Variants in CGRRF1 observed in about 807,000 individuals in gnomAD.
The protein encoded by CGRRF1 is cell growth regulator with RING finger domain protein 1.
In CGRRF1, 32 loss-of-function variants were observed where a neutral mutation model predicts 37.2. That is an observed-to-expected ratio of 0.86 (90% CI 0.65 to 1.16). CGRRF1 has a LOEUF of 1.16. Ranked by LOEUF, CGRRF1 falls within the 50% of genes most tolerant of loss-of-function variation. The probability of loss-of-function intolerance (pLI) is 0.00; values close to 1 mark genes in which losing one functional copy is unlikely to be tolerated. For synonymous variants in CGRRF1, 141 were observed against 140.3 expected, an observed-to-expected ratio of 1.00 and a Z score of -0.04; for missense variants, 391 against 382.6, an observed-to-expected ratio of 1.02 and a Z score of -0.18.
intron 4 of CGRRF1, chr14:54,535,966 C>CA (rs1444396783): frequency 6.6e-6 from 1 of 152,196 alleles, no homozygotes; most frequent in Admixed American, 6.5e-5. Flanking sequence ...GGTTTGTAGT[C>CA]AAACTGTGCC....
intron 1 of CGRRF1, 67 bp downstream of exon 1, chr14:54,510,130 G>A: frequency 8.1e-7 from 1 of 1,234,604 alleles, no homozygotes; most frequent in Non-Finnish European, 1.2e-6. Flanking sequence ...ACGAGCAGCA[G>A]GGGGCACCGG....
At chr14:54,527,832 G>A (rs958719473) in intron 2 of CGRRF1, among the ~76,000 whole-genome samples, 6 of 151,194 alleles carry the variant, frequency 4.0e-5, no homozygotes, top group African/African-American at 1.5e-4. Flanking sequence ...GATCATGGCT[G>A]ACTGCAGCCG....
At chr14:54,521,571 C>G (rs2032317780) in intron 1 of CGRRF1, among the ~76,000 whole-genome samples, 1 of 151,550 alleles carries the variant, frequency 6.6e-6, no homozygotes, top group Non-Finnish European at 1.5e-5. Context: ...GTGGCACGAT[C>G]TCGGCTCACT....
intron 1 of CGRRF1, among the ~76,000 whole-genome samples, chr14:54,518,715 T>C (rs2032261354): frequency 6.6e-6 from 1 of 152,194 alleles, no homozygotes; most frequent in Non-Finnish European, 1.5e-5. Flanking sequence ...TGAGCTGTTT[T>C]TCACATGTTT....
At chr14:54,524,385 GTTTT>G (rs530976044) in intron 2 of CGRRF1, among the ~76,000 whole-genome samples, 2 of 131,666 alleles carry the variant, frequency 1.5e-5, no homozygotes, top group African/African-American at 5.6e-5. Context: ...AAAAATATAT[GTTTT>G]TTTTTTTTTT....
Position 54,530,997 on chromosome 14 carries a change from T to C in CGRRF1, c.517T>C (p.Leu173=). 1.9e-6 allele frequency: 3 copies of C among 1,612,650 alleles called. No homozygotes were observed. The highest frequency in any genetic ancestry group is 2.5e-6 in the Non-Finnish European group (3 of 1,178,858). Residue 173 remains leucine, a synonymous_variant, in exon 4 of 6, where the codon TTG becomes CTG. Coordinates refer to ENST00000216420, the MANE Select transcript of CGRRF1 (RefSeq NM_006568.3). ...FGTVPRSRYP[L]VALLTLADED... ...TACAGTACCCAGATCTCGCTATCCA[T>C]TGGTAGCGCTATTGACCTTAGCTGA...
intron 4 of CGRRF1, 40 bp downstream of exon 4, chr14:54,531,090 A>G (rs1254070540): frequency 7.0e-7 from 1 of 1,420,464 alleles, no homozygotes; most frequent in Non-Finnish European, 9.7e-7. Context: ...CCTTTAAGTG[A>G]TTTGAATGGT....
At chr14:54,512,113 T>C (rs971884292) in intron 1 of CGRRF1, among the ~76,000 whole-genome samples, 1 of 152,220 alleles carries the variant, frequency 6.6e-6, no homozygotes, top group Admixed American at 6.5e-5. Context: ...TTAATACGCA[T>C]GTTTTTCACC....
Position 54,538,377 on chromosome 14 carries a change from T to A in CGRRF1, c.993T>A (p.Thr331=), listed in dbSNP as rs1218621907. 2 of 1,602,550 alleles carry A rather than the reference T, an allele frequency of 1.2e-6. No individual in the cohort carries two copies. The highest frequency in any genetic ancestry group is 1.7e-4 in the Middle Eastern group (1 of 6,040). The part of the protein sequence containing the change: ...QKEQDKDKPK[T]L ...AGCAAGATAAAGACAAACCGAAGAC[T>A]CTTTGAAGACATCGTAACACTGAAA... The change falls in exon 6 of 6, where the codon ACT becomes ACA. Residue 331 remains threonine, a synonymous_variant. Coordinates refer to ENST00000216420, the MANE Select transcript of CGRRF1 (RefSeq NM_006568.3).
intron 2 of CGRRF1, among the ~76,000 whole-genome samples, chr14:54,529,750 T>G (rs2032476414): frequency 6.6e-6 from 1 of 152,186 alleles, no homozygotes; most frequent in Non-Finnish European, 1.5e-5. Flanking sequence ...TTTAAAAATC[T>G]AGATGGGAAA....
At chr14:54,512,870 A>G (rs758659654) in intron 1 of CGRRF1, among the ~76,000 whole-genome samples, 3 of 152,156 alleles carry the variant, frequency 2.0e-5, no homozygotes, top group Non-Finnish European at 2.9e-5. Context: ...TTTCTAAACT[A>G]TAGTAAATTC....
chr14:54,527,781 CAG>C (rs138468530), intron 2 of CGRRF1, among the ~76,000 whole-genome samples: 3,462 of 146,380 alleles, frequency 0.024, 91 homozygotes, highest in East Asian at 0.097. Flanking sequence ...TTTTTTGAAA[CAG>C]GGTCTCACTC....
intron 1 of CGRRF1, among the ~76,000 whole-genome samples, chr14:54,516,603 C>T (rs913954134): frequency 6.6e-6 from 1 of 151,938 alleles, no homozygotes; most frequent in African/African-American, 2.4e-5. Context: ...CTCTATATTA[C>T]TGGTTTTAAG....
intron 4 of CGRRF1, chr14:54,536,633 A>G (rs2032605386): frequency 6.6e-6 from 1 of 152,134 alleles, no homozygotes; most frequent in African/African-American, 2.4e-5. Flanking sequence ...TAATATGGTC[A>G]AGGCTCATGT....
chr14:54,534,618 A>G (rs2032571806), intron 4 of CGRRF1, among the ~76,000 whole-genome samples: 2 of 151,756 alleles, frequency 1.3e-5, no homozygotes, highest in Admixed American at 1.3e-4. Context: ...TGCAAAAATA[A>G]AAAAGTAAAA....
intron 1 of CGRRF1, among the ~76,000 whole-genome samples, chr14:54,522,105 C>T (rs540029916): frequency 5.3e-5 from 8 of 152,336 alleles, no homozygotes; most frequent in African/African-American, 1.9e-4. Flanking sequence ...ATATAACCTA[C>T]ACACGTCCTT....
At chr14:54,537,624 G>C in intron 4 of CGRRF1, 98 bp from the exon 5 acceptor site, 1 of 1,196,020 alleles carries the variant, frequency 8.4e-7, no homozygotes, top group Non-Finnish European at 1.1e-6. Flanking sequence ...TTTTTTGGCA[G>C]AAGACAGTGT....
rs138322264 is a variant in CGRRF1 at position 54,513,861 on chromosome 14, G to A, written c.104+3798G>A. The stretch of plus-strand genomic sequence containing the variant: ...GGTGCCTGAACACAGTTTTAACTGC[G>A]ATAGTAATAGAATTACCTAGCCTTT... On this transcript the variant is annotated intron_variant, in intron 1 of 5. Transcript: ENST00000216420. Among the ~76,000 whole-genome samples, 637 of 152,192 alleles carry A rather than the reference G, an allele frequency of 4.2e-3. 7 individuals carry two copies. The highest frequency in any genetic ancestry group is 0.015 in the African/African-American group (611 of 41,516).
chr14:54,534,011 TTAG>T (rs2032561971), intron 4 of CGRRF1, among the ~76,000 whole-genome samples: 1 of 152,228 alleles, frequency 6.6e-6, no homozygotes, highest in Non-Finnish European at 1.5e-5. Flanking sequence ...CTGCTTTCAC[TTAG>T]TAGTATATTC....
Sources: allele counts gnomAD v4.1 joint callset (sites outside exome capture counted in the v4.1 genomes callset), GRCh38; gene constraint gnomAD v4.1.1; transcripts MANE v1.5; gene names NCBI Gene and HGNC (gene_info 2026-07-23, HGNC 2026-07-21).